The following TESMIN variants were observed in gnomAD, a reference collection of about 807,000 sequenced individuals.
TESMIN encodes CXC domain containing 2.
A neutral mutation model predicts 47.4 loss-of-function variants in TESMIN; 34 were observed. The observed-to-expected ratio is 0.72, with a 90% CI of 0.55 to 0.96. The LOEUF (loss-of-function observed/expected upper bound fraction) is 0.96, where lower values mean the gene tolerates loss of function less well. TESMIN is among the 40% of genes least tolerant of loss of function. The pLI, the probability that TESMIN is intolerant of heterozygous loss-of-function variation, is 0.00. For missense variants in TESMIN, 610 were observed against 637.2 expected (o/e 0.96, Z 0.46); for synonymous variants, 278 against 258.9 (o/e 1.07, Z -0.71).
intron 6 of TESMIN, chr11:68,736,972 A>G (rs992939930): frequency 4.1e-6 from 4 of 985,368 alleles, no homozygotes; most frequent in African/African-American, 1.7e-5. Flanking sequence ...CTGGGAGAGC[A>G]CGCAATTAAA....
chr11:68,738,011 T>C, intron 6 of TESMIN: 1 of 985,514 alleles, frequency 1.0e-6, no homozygotes, highest in Non-Finnish European at 1.2e-6. Context: ...CATAATCAAC[T>C]ACAGGGCTCA....
chr11:68,709,235 T>C (rs1946033752), intron 9 of TESMIN, among the ~76,000 whole-genome samples: 1 of 152,166 alleles, frequency 6.6e-6, no homozygotes, highest in South Asian at 2.1e-4. Context: ...GGCTACAGTG[T>C]CAAGCACGTG....
At chr11:68,739,424 A>G (rs958394549) in intron 5 of TESMIN, among the ~76,000 whole-genome samples, 1 of 152,254 alleles carries the variant, frequency 6.6e-6, no homozygotes, top group African/African-American at 2.4e-5. Flanking sequence ...AGTAGCTTGA[A>G]GAAATTAACA....
At chr11:68,705,612 A>G (rs1174324938), downstream of TESMIN, among the ~76,000 whole-genome samples, 3 of 152,248 alleles carry the variant, frequency 2.0e-5, no homozygotes, top group Admixed American at 1.3e-4. Flanking sequence ...CTCCGTGTCT[A>G]TGAAAAAACA....
chr11:68,736,692 A>T (rs902504581), intron 6 of TESMIN: 10 of 981,906 alleles, frequency 1.0e-5, no homozygotes, highest in East Asian at 2.3e-4. Context: ...ATTTTGTAAC[A>T]TTCAAAATAA....
At position 68,750,561 on chromosome 11, in the gene TESMIN, C is replaced by T. The variant is rs527656530; in HGVS notation, c.100G>A (p.Gly34Ser). The change falls in exon 2 of 10, where the codon GGC becomes AGC. Residue 34 changes from glycine to serine, a missense_variant. By Grantham distance (56) the Gly-to-Ser change is moderately conservative (BLOSUM62 0). Transcript: ENST00000255087. ...TCGTACTTCACGGGGGCCTTCAGGCCGATGTTCTCCGAAGCGAACGGACCC... is the reference window on the plus strand; with the variant it reads ...TCGTACTTCACGGGGGCCTTCAGGCTGATGTTCTCCGAAGCGAACGGACCC... ...PEGPFASENI[G>S]LKAPVKYEED... 1.9e-6 allele frequency: 3 copies of T among 1,607,540 alleles called. No individual in the cohort carries two copies. The highest frequency in any genetic ancestry group is 2.5e-6 in the Non-Finnish European group (3 of 1,177,824).
At chr11:68,707,404 TG>T (rs1946009232), downstream of TESMIN, 1 of 168,506 alleles carries the variant, frequency 5.9e-6, no homozygotes, top group African/African-American at 2.4e-5. Flanking sequence ...ACTCATCAGA[TG>T]AACACATTTT....
chr11:68,727,261 C>T (rs921470745), intron 6 of TESMIN, among the ~76,000 whole-genome samples: 3 of 151,986 alleles, frequency 2.0e-5, no homozygotes, highest in Non-Finnish European at 4.4e-5. Flanking sequence ...GCCAACATGG[C>T]GAAAACCCAT....
chr11:68,708,295 C>A lies in TESMIN; in HGVS notation c.*13G>T. 6.4e-7 allele frequency: 1 copy of A among 1,560,144 alleles called. No individual in the cohort carries two copies. Among genetic ancestry groups the A allele is most frequent in the South Asian group, 1.2e-5 (1 of 82,540 alleles). On this transcript the variant is annotated 3_prime_UTR_variant, in exon 10 of 10. Transcript: ENST00000255087. ...GACTAAGACAAAATCAACATGCATT[C>A]ACACTTTATACTCTACTCCATTTTC...
At chr11:68,746,286 A>C (rs935252001) in intron 3 of TESMIN, among the ~76,000 whole-genome samples, 12 of 152,148 alleles carry the variant, frequency 7.9e-5, no homozygotes, top group African/African-American at 2.9e-4. Context: ...CCCTCTGGGG[A>C]AATGTGCTAA....
chr11:68,722,021 A>C (rs1483221086), intron 6 of TESMIN, among the ~76,000 whole-genome samples: 2 of 151,630 alleles, frequency 1.3e-5, no homozygotes, highest in South Asian at 4.1e-4. Flanking sequence ...TACCTGCTAC[A>C]TCAGTGTCCA....
chr11:68,745,792 G>A (rs1035242147), intron 3 of TESMIN, among the ~76,000 whole-genome samples: 7 of 152,286 alleles, frequency 4.6e-5, no homozygotes, highest in African/African-American at 1.2e-4. Context: ...ATAAATGGTC[G>A]CAAGCCGGGT....
intron 6 of TESMIN, among the ~76,000 whole-genome samples, chr11:68,733,158 T>C (rs1169225209): frequency 1.3e-5 from 2 of 152,184 alleles, no homozygotes; most frequent in Admixed American, 1.3e-4. Context: ...TGCCTCCTAC[T>C]TCAGCCACAT....
In TESMIN at chr11:68,708,289, T is replaced by A. The variant is rs778057040; in HGVS notation, c.*19A>T. ...TTTCTAGACTAAGACAAAATCAACA[T>A]GCATTCACACTTTATACTCTACTCC... On this transcript the variant is annotated 3_prime_UTR_variant, in exon 10 of 10. Transcript: ENST00000255087. The A allele has an allele frequency of 1.3e-6, 2 of 1,546,932 alleles. No homozygotes were observed. The highest frequency in any genetic ancestry group is 2.5e-5 in the South Asian group (2 of 80,794).
intron 6 of TESMIN, among the ~76,000 whole-genome samples, chr11:68,725,835 A>T (rs1025043640): frequency 6.6e-6 from 1 of 152,194 alleles, no homozygotes; most frequent in Non-Finnish European, 1.5e-5. Context: ...TGCTTGCTAT[A>T]AAACACTTAA....
chr11:68,717,414 C>T (rs117615146), intron 6 of TESMIN, among the ~76,000 whole-genome samples: 3,145 of 151,858 alleles, frequency 0.021, 53 homozygotes, highest in Non-Finnish European at 0.032. Context: ...GGCGAGCTCC[C>T]CAAGGAGTGA....
chr11:68,750,691 GC>G lies in TESMIN; in HGVS notation c.-32del, dbSNP rs1946585547. 7.0e-7 allele frequency: 1 copy of G among 1,430,568 alleles called. No individual in the cohort carries two copies. The highest frequency in any genetic ancestry group is 1.5e-5 in the African/African-American group (1 of 67,782). The allele number at this position is 1,430,568 out of a possible 1,614,324, so 88.6% of individuals were successfully genotyped here. A position where few individuals can be genotyped will look rare whatever the true frequency, so the allele number is the denominator to read the frequency against. On this transcript the variant is annotated 5_prime_UTR_variant, in exon 2 of 10. Coordinates refer to ENST00000255087, the MANE Select transcript of TESMIN (RefSeq NM_004923.3). ...AGGGCGGCGGGGCGGGATGGCGGGG[GC>G]CGCGCACCTGCAACACGCGGCCAGG... is the stretch of plus-strand genomic sequence containing the variant.
chr11:68,714,980 T>G (rs1326370320), intron 7 of TESMIN, among the ~76,000 whole-genome samples: 3 of 152,238 alleles, frequency 2.0e-5, no homozygotes, highest in Non-Finnish European at 4.4e-5. Flanking sequence ...TGCGTGACAA[T>G]TTTCTTCTGT....
At chr11:68,720,177 G>A (rs79533882) in intron 6 of TESMIN, among the ~76,000 whole-genome samples, 13,166 of 152,088 alleles carry the variant, frequency 0.087, 595 homozygotes, top group Middle Eastern at 0.15. Flanking sequence ...TTTACTCACC[G>A]AGGTCCAGGC....
Sources: gnomAD v4.1 joint callset for allele counts (sites outside exome capture counted in the v4.1 genomes callset) on GRCh38, gnomAD v4.1.1 for gene constraint, MANE v1.5 for transcripts, NCBI Gene and HGNC (gene_info 2026-07-23, HGNC 2026-07-21) for gene names.